SMCHD1: variants seen among roughly 807,000 people sequenced by gnomAD.
SMCHD1 encodes structural maintenance of chromosomes flexible hinge domain-containing protein 1.
A neutral mutation model predicts 254.7 loss-of-function variants in SMCHD1; 78 were observed. The observed-to-expected ratio is 0.31, with a 90% confidence interval of 0.26 to 0.37. The LOEUF (loss-of-function observed/expected upper bound fraction) is 0.37, where lower values mean the gene tolerates loss of function less well. Ranked by LOEUF, SMCHD1 falls within the 10% of genes least tolerant of loss-of-function variation. The pLI is 1.00. For missense variants in SMCHD1, 1,840 were observed against 2,408.1 expected, an observed-to-expected ratio of 0.76 and a Z score of 4.94; for synonymous variants, 766 against 794.9, an observed-to-expected ratio of 0.96 and a Z score of 0.61.
intron 37 of SMCHD1, among the ~76,000 whole-genome samples, chr18:2,767,149 T>C (rs1156503129): frequency 6.6e-6 from 1 of 151,848 alleles, no homozygotes; most frequent in East Asian, 1.9e-4. Context: ...CCCCAGCTAC[T>C]CAGGCAGCTG....
At chr18:2,725,649 C>T (rs921329442) in intron 21 of SMCHD1, among the ~76,000 whole-genome samples, 5 of 151,390 alleles carry the variant, frequency 3.3e-5, no homozygotes, top group African/African-American at 4.8e-5. Flanking sequence ...TTTCCCTATC[C>T]GTGTGATGTT....
intron 10 of SMCHD1, among the ~76,000 whole-genome samples, chr18:2,699,275 CTATT>C (rs5822720): frequency 0.2 from 30,853 of 151,944 alleles, 3,367 homozygotes; most frequent in South Asian, 0.32. Flanking sequence ...GTGCTCAACA[CTATT>C]TATTAAGTGC....
rs539240613 is a variant in SMCHD1 at position 2,707,889 on chromosome 18, A to G, written c.2229A>G (p.Lys743=). 8 of 1,604,534 alleles carry G rather than the reference A, an allele frequency of 5.0e-6. No individual in the cohort carries two copies. The East Asian group carries it at 1.8e-4, about 36-fold the overall frequency. Reference sequence around the variant, plus strand: ...GAACAAGCCATGGAGGGTCAAAGAAACTCCTGGTTGAGCTCAAAGTTATTT... The same window carrying G: ...GAACAAGCCATGGAGGGTCAAAGAAGCTCCTGGTTGAGCTCAAAGTTATTT... ...LPGTSHGGSK[K]LLVELKVILH... Residue 743 remains lysine (K), a synonymous_variant, in exon 17 of 48, where the codon AAA becomes AAG. Coordinates refer to ENST00000320876, the MANE Select transcript of SMCHD1 (RefSeq NM_015295.3).
At chr18:2,727,868 A>G (rs1192415910) in intron 22 of SMCHD1, among the ~76,000 whole-genome samples, 1 of 152,058 alleles carries the variant, frequency 6.6e-6, no homozygotes, top group Non-Finnish European at 1.5e-5. Flanking sequence ...TGTTATCAGT[A>G]TGTAGCATTA....
At chr18:2,702,480 C>T (rs1040382783) in intron 12 of SMCHD1, among the ~76,000 whole-genome samples, 1 of 152,036 alleles carries the variant, frequency 6.6e-6, no homozygotes, top group East Asian at 1.9e-4. Flanking sequence ...GATAGTGAAT[C>T]CATCCTGAGA....
chr18:2,656,008 C>T lies in SMCHD1; in HGVS notation c.-68C>T. Reference sequence around the variant, plus strand: ...GGGAGCTGGAGCTGAAGGCGCCGCGCGGAGCGCGCACCTCAGCCCTGAGCC... The same window carrying T: ...GGGAGCTGGAGCTGAAGGCGCCGCGTGGAGCGCGCACCTCAGCCCTGAGCC... On this transcript the variant is annotated 5_prime_UTR_variant, in exon 1 of 48. Coordinates refer to ENST00000320876, the MANE Select transcript of SMCHD1 (RefSeq NM_015295.3). 2.5e-6 allele frequency: 3 copies of T among 1,222,838 alleles called. No homozygotes were observed. The highest frequency in any genetic ancestry group is 3.1e-6 in the Non-Finnish European group (3 of 974,666). 75.7% of individuals were successfully genotyped at this position (1,222,838 alleles called of 1,614,324 possible).
intron 37 of SMCHD1, among the ~76,000 whole-genome samples, chr18:2,767,128 C>T (rs114172078): frequency 1.6e-4 from 24 of 151,850 alleles, no homozygotes; most frequent in Non-Finnish European, 2.5e-4. Context: ...ATGGTGACAA[C>T]GCACCTATAG....
At chr18:2,737,306 C>T (rs117609836) in intron 25 of SMCHD1, among the ~76,000 whole-genome samples, 75 of 152,288 alleles carry the variant, frequency 4.9e-4, no homozygotes, top group Non-Finnish European at 5.7e-4. Context: ...TGAGATAACT[C>T]ATAGACCAAA....
chr18:2,769,783 C>G lies in SMCHD1; in HGVS notation c.4809C>G (p.Thr1603=). ...CCCGGCTACCACTTTTATCAAGAAC[C>G]TTAGAACCATATATCCTACCGTTCA... is the stretch of plus-strand genomic sequence containing the variant. ...FEPRLPLLSR[T]LEPYILPFMF... Residue 1603 remains threonine, a synonymous_variant, in exon 38 of 48, where the codon ACC becomes ACG. Coordinates refer to ENST00000320876, the MANE Select transcript of SMCHD1 (RefSeq NM_015295.3). 6.2e-7 allele frequency: 1 copy of G among 1,605,062 alleles called. No individual in the cohort carries two copies. Among genetic ancestry groups the G allele is most frequent in the Non-Finnish European group, 8.5e-7 (1 of 1,174,812 alleles).
intron 17 of SMCHD1, among the ~76,000 whole-genome samples, chr18:2,710,169 A>G (rs1011451277): frequency 1.3e-5 from 2 of 152,142 alleles, no homozygotes; most frequent in Non-Finnish European, 2.9e-5. Flanking sequence ...TCTCTATTGA[A>G]TTGTTTTGGC....
rs1423796142 is a variant in SMCHD1 at position 2,804,597 on chromosome 18, T to TTAAC, written c.*2047_*2050dup. ...GTGGAGTTTTTCTACCCTGTAAAAA[T>TTAAC]TAACTTTGTGGTTCCCAGTAATTAC... On this transcript the variant is annotated 3_prime_UTR_variant, in exon 48 of 48. Coordinates refer to ENST00000320876, the MANE Select transcript of SMCHD1 (RefSeq NM_015295.3). 6.6e-6 allele frequency: 1 copy of TTAAC among 152,224 alleles called. No individual in the cohort carries two copies. Among genetic ancestry groups the TTAAC allele is most frequent in the Non-Finnish European group, 1.5e-5 (1 of 68,040 alleles). 9.4% of individuals were successfully genotyped at this position (152,224 alleles called of 1,614,324 possible).
chr18:2,684,259 C>T (rs1006064140), intron 5 of SMCHD1, among the ~76,000 whole-genome samples: 2 of 151,938 alleles, frequency 1.3e-5, no homozygotes, highest in African/African-American at 2.4e-5. Context: ...GATATTATTA[C>T]GTTATCCAGA....
rs1434765492 is a variant in SMCHD1 at position 2,732,078 on chromosome 18, C to T, written c.3049-187C>T. On this transcript the variant is annotated intron_variant, in intron 24 of 47. Transcript: ENST00000320876. ...ATTGTTTTTATTTTAAGAATGTGGC[C>T]ACTGCCATTTATAACCTGATGGTAT... is the stretch of plus-strand genomic sequence containing the variant. Among the ~76,000 whole-genome samples, 5 of 152,226 alleles carry T rather than the reference C, an allele frequency of 3.3e-5. No homozygotes were observed. The South Asian group carries it at 1.0e-3, about 32-fold the overall frequency.
chr18:2,783,369 A>G (rs1195361496), intron 44 of SMCHD1, among the ~76,000 whole-genome samples: 1 of 152,266 alleles, frequency 6.6e-6, no homozygotes, highest in South Asian at 2.1e-4. Context: ...CTTTTTCCAT[A>G]GCCCCCCACC....
In SMCHD1 at chr18:2,798,323, G is replaced by A. The variant is rs189613174; in HGVS notation, c.5993+1802G>A. On this transcript the variant is annotated intron_variant, in intron 47 of 47. Coordinates refer to ENST00000320876, the MANE Select transcript of SMCHD1 (RefSeq NM_015295.3). The stretch of plus-strand genomic sequence containing the variant: ...AATGATGTGTTCATGGGCATGAGGT[G>A]TATACAGACTATTAAGCTGATCATT... Among the ~76,000 whole-genome samples the A allele has an allele frequency of 2.8e-4, 43 of 152,326 alleles. 1 individual carries two copies. Among genetic ancestry groups the A allele is most frequent in the African/African-American group, 1.0e-3 (42 of 41,566 alleles).
chr18:2,714,725 C>T (rs12604109), intron 17 of SMCHD1, among the ~76,000 whole-genome samples: 44,665 of 151,636 alleles, frequency 0.29, 6,795 homozygotes, highest in East Asian at 0.49. Context: ...TTTGACTGTT[C>T]CTTGTAGATC....
intron 45 of SMCHD1, among the ~76,000 whole-genome samples, chr18:2,793,671 AG>A (rs138409392): frequency 0.64 from 79,591 of 123,686 alleles, 26,882 homozygotes; most frequent in Middle Eastern, 0.69. Context: ...AAAAAAAAAA[AG>A]AAAGAAAACA....
At chr18:2,701,100 G>A (rs1043660859) in intron 12 of SMCHD1, 182 bp downstream of exon 12, 1 of 449,418 alleles carries the variant, frequency 2.2e-6, no homozygotes, top group Non-Finnish European at 3.9e-6. Flanking sequence ...TTTTAGTAAT[G>A]ACTAAACCTA....
chr18:2,683,293 G>T (rs1235280153), intron 5 of SMCHD1, among the ~76,000 whole-genome samples: 1 of 151,774 alleles, frequency 6.6e-6, no homozygotes, highest in Non-Finnish European at 1.5e-5. Context: ...TAGGAAATAA[G>T]TTGCAGCATC....
Sources: allele counts gnomAD v4.1 joint callset (sites outside exome capture counted in the v4.1 genomes callset), GRCh38; gene constraint gnomAD v4.1.1; transcripts MANE v1.5; gene names NCBI Gene and HGNC (gene_info 2026-07-23, HGNC 2026-07-21).